The following DIAPH2 variants were observed in gnomAD, a reference collection of about 807,000 sequenced individuals.
DIAPH2 encodes protein diaphanous homolog 2.
A neutral mutation model predicts 92.7 loss-of-function variants in DIAPH2; 35 were observed. That is an observed-to-expected ratio of 0.38 (90% CI 0.29 to 0.50). The LOEUF (loss-of-function observed/expected upper bound fraction) is 0.50. Among genes scored for constraint, DIAPH2 ranks in the 20% least tolerant of loss-of-function variants. The pLI is 0.94. For missense variants in DIAPH2, 701 were observed against 819.5 expected (o/e 0.86, Z 1.77); for synonymous variants, 301 against 280.4 (o/e 1.07, Z -0.73).
In DIAPH2 at chrX:97,231,408, T is replaced by C. The variant is rs961167357; in HGVS notation, c.2720-16307T>C. Among the ~76,000 whole-genome samples, 11 of 110,933 alleles carry C rather than the reference T, an allele frequency of 9.9e-5. No individual in the cohort carries two copies. The East Asian group carries it at 2.0e-3, about 20-fold the overall frequency. ...GTACTGTTTTATTATTTTACCATTA[T>C]GTATTTGTATCTGAAAACTGCAGCC... On this transcript the variant is annotated intron_variant, in intron 22 of 26. Transcript: ENST00000324765.
chrX:96,962,394 CATATATAT>C (rs1411701352), intron 16 of DIAPH2, among the ~76,000 whole-genome samples: 1 of 55,610 alleles, frequency 1.8e-5, no homozygotes, highest in Non-Finnish European at 3.1e-5. Context: ...TATATATACA[CATATATAT>C]ACACATATAT....
intron 26 of DIAPH2, among the ~76,000 whole-genome samples, chrX:97,567,109 G>A (rs942449765): frequency 8.9e-6 from 1 of 111,826 alleles, no homozygotes; most frequent in African/African-American, 3.3e-5. Flanking sequence ...GGTAGAATAT[G>A]ATGTTCATTG....
chrX:96,961,714 TG>T (rs1281519795), intron 16 of DIAPH2, among the ~76,000 whole-genome samples: 3 of 110,449 alleles, frequency 2.7e-5, no homozygotes, highest in Non-Finnish European at 3.8e-5. Flanking sequence ...TTTGATATAT[TG>T]TTTTTTTAAT....
At chrX:97,186,743 T>C (rs946163223) in intron 22 of DIAPH2, among the ~76,000 whole-genome samples, 1 of 111,984 alleles carries the variant, frequency 8.9e-6, no homozygotes, top group Non-Finnish European at 1.9e-5. Flanking sequence ...GCTTGCATAC[T>C]ACAGGATTCT....
At chrX:97,229,258 T>C (rs1402671437) in intron 22 of DIAPH2, among the ~76,000 whole-genome samples, 1 of 112,120 alleles carries the variant, frequency 8.9e-6, no homozygotes, top group Non-Finnish European at 1.9e-5. Flanking sequence ...GGACTTCAAA[T>C]GTAATTGAAG....
chrX:97,465,533 T>G (rs184749908), intron 26 of DIAPH2, among the ~76,000 whole-genome samples: 28 of 111,724 alleles, frequency 2.5e-4, no homozygotes, highest in African/African-American at 5.2e-4. Flanking sequence ...TACGGGAGGA[T>G]GTACATAGGT....
At chrX:97,390,687 C>T (rs1834121047) in intron 25 of DIAPH2, among the ~76,000 whole-genome samples, 1 of 111,365 alleles carries the variant, frequency 9.0e-6, no homozygotes, top group South Asian at 3.8e-4. Context: ...CATGAGCCAC[C>T]ACGCCCGGCC....
intron 9 of DIAPH2, among the ~76,000 whole-genome samples, chrX:96,923,640 A>G (rs2065561313): frequency 9.0e-6 from 1 of 111,705 alleles, no homozygotes; most frequent in Non-Finnish European, 1.9e-5. Flanking sequence ...GAGAGAGTTT[A>G]TTCCAGAATC....
intron 17 of DIAPH2, among the ~76,000 whole-genome samples, chrX:97,069,842 G>T (rs1333051670): frequency 8.9e-6 from 1 of 112,021 alleles, no homozygotes; most frequent in Non-Finnish European, 1.9e-5. Context: ...TGGGATATCA[G>T]AAATTAATAG....
chrX:97,421,189 A>G (rs751915414), intron 25 of DIAPH2, among the ~76,000 whole-genome samples: 91 of 111,945 alleles, frequency 8.1e-4, no homozygotes, highest in African/African-American at 2.8e-3. Context: ...TGGTTTTACT[A>G]TTACTCTTAC....
At chrX:97,140,367 T>G (rs1292472903) in intron 21 of DIAPH2, among the ~76,000 whole-genome samples, 1 of 111,668 alleles carries the variant, frequency 9.0e-6, no homozygotes, top group Admixed American at 9.6e-5. Context: ...TTGAGGTTTG[T>G]GTTGCTTTTT....
intron 26 of DIAPH2, among the ~76,000 whole-genome samples, chrX:97,529,753 A>G (rs2147850145): frequency 8.9e-6 from 1 of 111,954 alleles, no homozygotes; most frequent in South Asian, 3.8e-4. Flanking sequence ...GGCAAGAGGC[A>G]AATATTCCTG....
At chrX:96,821,634 A>C (rs923209676) in intron 4 of DIAPH2, among the ~76,000 whole-genome samples, 4 of 112,255 alleles carry the variant, frequency 3.6e-5, no homozygotes, top group Non-Finnish European at 7.5e-5. Flanking sequence ...TAATTTTGAT[A>C]ATGAATTTTT....
intron 26 of DIAPH2, among the ~76,000 whole-genome samples, chrX:97,570,077 TA>T (rs1186680442): frequency 5.8e-4 from 3 of 5,175 alleles, no homozygotes; most frequent in Non-Finnish European, 1.4e-3. Context: ...GGCCTTCTAA[TA>T]TATATATATA....
At chrX:97,026,633 A>C (rs2066336890) in intron 17 of DIAPH2, among the ~76,000 whole-genome samples, 1 of 112,072 alleles carries the variant, frequency 8.9e-6, no homozygotes. Flanking sequence ...ATTTAGGTTA[A>C]AGACTGCTGT....
intron 23 of DIAPH2, 75 bp from the exon 24 acceptor site, chrX:97,348,041 A>T: frequency 1.0e-6 from 1 of 985,729 alleles, no homozygotes; most frequent in Non-Finnish European, 1.4e-6. Flanking sequence ...GTGATGATTT[A>T]ATTTAATCTT....
At chrX:97,116,511 A>T (rs1471799469) in intron 21 of DIAPH2, among the ~76,000 whole-genome samples, 1 of 111,820 alleles carries the variant, frequency 8.9e-6, no homozygotes, top group Non-Finnish European at 1.9e-5. Flanking sequence ...AGTATTTAGG[A>T]CTTCAGCATT....
intron 22 of DIAPH2, among the ~76,000 whole-genome samples, chrX:97,163,227 T>TG (rs765127226): frequency 9.0e-6 from 1 of 111,222 alleles, no homozygotes; most frequent in Non-Finnish European, 1.9e-5. Flanking sequence ...TGGAGTACAT[T>TG]GGTGCAATCA....
At chrX:97,364,189 T>TC (rs1239637002) in intron 24 of DIAPH2, among the ~76,000 whole-genome samples, 1 of 111,451 alleles carries the variant, frequency 9.0e-6, no homozygotes, top group East Asian at 2.8e-4. Flanking sequence ...CTAGAATTTT[T>TC]CCCCCCACCT....
Sources: allele counts gnomAD v4.1 joint callset (sites outside exome capture counted in the v4.1 genomes callset), GRCh38; gene constraint gnomAD v4.1.1; transcripts MANE v1.5; gene names NCBI Gene and HGNC (gene_info 2026-07-23, HGNC 2026-07-21).